DNAJC7: variants seen among roughly 807,000 people sequenced by gnomAD.
The protein encoded by DNAJC7 is dnaJ homolog subfamily C member 7.
DNAJC7 carries 18 observed loss-of-function variants against 67.4 expected under a neutral mutation model. The ratio of observed to expected loss-of-function variants is 0.27; its 90% CI spans 0.18 to 0.40. The LOEUF is 0.40. DNAJC7 is among the 10% of genes least tolerant of loss of function. The pLI is 1.00. For missense variants in DNAJC7, 419 were observed against 613.8 expected (o/e 0.68, Z 3.35); for synonymous variants, 220 against 207.8 (o/e 1.06, Z -0.50).
intron 1 of DNAJC7, among the ~76,000 whole-genome samples, chr17:42,010,387 G>C (rs950007288): frequency 2.0e-5 from 3 of 151,994 alleles, no homozygotes; most frequent in African/African-American, 7.3e-5. Flanking sequence ...AGCTACTCAG[G>C]AAGCTGACTC....
chr17:42,015,775 A>G (rs1304874217), intron 1 of DNAJC7: 1 of 152,004 alleles, frequency 6.6e-6, no homozygotes, highest in Non-Finnish European at 1.5e-5. Flanking sequence ...AATGGTGTGA[A>G]CTCAGGAGGC....
At chr17:42,002,581 G>A (rs540046936) in intron 1 of DNAJC7, among the ~76,000 whole-genome samples, 53 of 152,204 alleles carry the variant, frequency 3.5e-4, no homozygotes, top group African/African-American at 1.2e-3. Context: ...AACACAGTCC[G>A]GTGAACTTCA....
chr17:41,991,313 T>C (rs1201086447), intron 5 of DNAJC7, among the ~76,000 whole-genome samples: 1 of 152,164 alleles, frequency 6.6e-6, no homozygotes, highest in Non-Finnish European at 1.5e-5. Context: ...TCTGAAAACT[T>C]ACAAGCAGAA....
chr17:42,007,045 T>A (rs1598149860), intron 1 of DNAJC7, among the ~76,000 whole-genome samples: 3 of 149,868 alleles, frequency 2.0e-5, no homozygotes, highest in South Asian at 4.2e-4. Flanking sequence ...GAGCTTGCGG[T>A]GAGCTGACAT....
intron 10 of DNAJC7, among the ~76,000 whole-genome samples, 188 bp downstream of exon 10, chr17:41,983,375 C>T (rs2051299470): frequency 6.6e-6 from 1 of 152,198 alleles, no homozygotes; most frequent in Non-Finnish European, 1.5e-5. Flanking sequence ...CTGCCTGCCT[C>T]AGCCTCCCAA....
rs1555648374 is a variant in DNAJC7, at chr17:41,994,927, T to C, written c.423A>G (p.Ala141=). ...CTGCTATTTTCTCATATTCCATGACTGCATTAGCATTCTTGAACTGCACCG... is the reference window on the plus strand; with the variant it reads ...CTGCTATTTTCTCATATTCCATGACCGCATTAGCATTCTTGAACTGCACCG... ...QAQQEFKNAN[A]VMEYEKIAET... The change falls in exon 5 of 14, where the codon GCA becomes GCG. Residue 141 remains alanine, a synonymous_variant. Coordinates refer to ENST00000457167, the MANE Select transcript of DNAJC7 (RefSeq NM_003315.4). 1.9e-6 allele frequency: 3 copies of C among 1,613,918 alleles called. No homozygotes were observed. The Admixed American group carries it at 5.0e-5, about 27-fold the overall frequency.
At chr17:42,000,438 T>C in intron 2 of DNAJC7, 44 bp downstream of exon 2, 1 of 1,470,570 alleles carries the variant, frequency 6.8e-7, no homozygotes, top group Non-Finnish European at 9.4e-7. Flanking sequence ...TAATAATATT[T>C]GGCAAGTAAA....
At chr17:41,984,858 A>C in intron 9 of DNAJC7, 1 of 150,254 alleles carries the variant, frequency 6.7e-6, no homozygotes. Flanking sequence ...ACAGAGTCTC[A>C]CTCTGTAGCC....
At chr17:42,009,005 G>A (rs766304587) in intron 1 of DNAJC7, among the ~76,000 whole-genome samples, 2 of 152,108 alleles carry the variant, frequency 1.3e-5, no homozygotes, top group Non-Finnish European at 2.9e-5. Context: ...CCATCACGCC[G>A]GGCCATAGAT....
intron 5 of DNAJC7, among the ~76,000 whole-genome samples, chr17:41,992,181 G>GT (rs1167204741): frequency 4.6e-5 from 7 of 151,106 alleles, no homozygotes; most frequent in South Asian, 2.1e-4. Flanking sequence ...TTTGTTTTTT[G>GT]TTTTTTTTGA....
At chr17:42,004,929 A>C (rs975223422) in intron 1 of DNAJC7, among the ~76,000 whole-genome samples, 7 of 152,068 alleles carry the variant, frequency 4.6e-5, no homozygotes. Flanking sequence ...GGAGGCTAAG[A>C]TGGGAGGATC....
chr17:41,992,175 TTTTTTG>T (rs1357700419), intron 5 of DNAJC7, among the ~76,000 whole-genome samples: 32 of 152,120 alleles, frequency 2.1e-4, no homozygotes, highest in Admixed American at 7.2e-4. Context: ...TGTTTTTTTG[TTTTTTG>T]TTTTTTTTGA....
At chr17:41,988,589 G>T in intron 8 of DNAJC7, 143 bp downstream of exon 8, 1 of 1,014,768 alleles carries the variant, frequency 9.9e-7, no homozygotes, top group Non-Finnish European at 1.4e-6. Context: ...CTTGCCTCTT[G>T]GAAGGGAGTT....
chr17:42,000,439 G>T, intron 2 of DNAJC7, 43 bp downstream of exon 2: 2 of 1,462,402 alleles, frequency 1.4e-6, no homozygotes, highest in Non-Finnish European at 1.9e-6. Context: ...AATAATATTT[G>T]GCAAGTAAAT....
In DNAJC7 at chr17:41,996,273, T is replaced by C. The variant is rs782409882; in HGVS notation, c.405+38A>G. ...GTAGCCACTCCTCCCAAATATACCA[T>C]ACTGCCTCTTTTGACAGAAACAGGA... On this transcript the variant is annotated intron_variant, in intron 4 of 13. Transcript: ENST00000457167. 72 of 1,602,400 alleles carry C rather than the reference T, an allele frequency of 4.5e-5. No homozygotes were observed. In the Admixed American group the frequency reaches 7.2e-4, roughly 16 times the overall value.
At chr17:41,996,987 T>TA in intron 3 of DNAJC7, 128 bp downstream of exon 3, 1 of 1,443,310 alleles carries the variant, frequency 6.9e-7, no homozygotes, top group Non-Finnish European at 9.4e-7. Context: ...CAGTGCACAG[T>TA]AAAGTCCCCC....
At chr17:42,008,055 A>C (rs74621319) in intron 1 of DNAJC7, among the ~76,000 whole-genome samples, 2,703 of 151,754 alleles carry the variant, frequency 0.018, 67 homozygotes, top group East Asian at 0.095. Flanking sequence ...GCTCATGTCT[A>C]TAATCCCAGC....
chr17:41,984,152 T>G (rs2051316805), intron 9 of DNAJC7, among the ~76,000 whole-genome samples: 1 of 152,074 alleles, frequency 6.6e-6, no homozygotes, highest in South Asian at 2.1e-4. Flanking sequence ...ATCCCTCCAC[T>G]AAGACCAATC....
intron 1 of DNAJC7, chr17:42,016,836 G>T: frequency 1.8e-6 from 1 of 561,076 alleles, no homozygotes; most frequent in Non-Finnish European, 2.3e-6. Context: ...GGGGCAACCA[G>T]GTCAATTATG....
Sources: allele counts gnomAD v4.1 joint callset (sites outside exome capture counted in the v4.1 genomes callset), GRCh38; gene constraint gnomAD v4.1.1; transcripts MANE v1.5; gene names NCBI Gene and HGNC (gene_info 2026-07-23, HGNC 2026-07-21).